Variants in F13A1 observed in about 807,000 individuals in gnomAD.
The protein encoded by F13A1 is FSF, A subunit.
In F13A1, 47 loss-of-function variants were observed where a neutral mutation model predicts 80.1. That is an observed-to-expected ratio of 0.59 (90% confidence interval 0.46 to 0.75). The LOEUF (loss-of-function observed/expected upper bound fraction) is 0.75, where lower values mean the gene tolerates loss of function less well. Ranked by LOEUF, F13A1 falls within the 30% of genes least tolerant of loss-of-function variation. F13A1 has a pLI of 0.00. For missense variants in F13A1, 817 were observed against 930.4 expected (o/e 0.88, Z 1.59); for synonymous variants, 349 against 344.9 (o/e 1.01, Z -0.13).
intron 11 of F13A1, among the ~76,000 whole-genome samples, chr6:6,176,811 G>T (rs3778354): frequency 0.49 from 74,861 of 152,054 alleles, 18,620 homozygotes; most frequent in Non-Finnish European, 0.51. Context: ...CGAGCATCAG[G>T]AACACATCAG....
At chr6:6,230,458 A>C (rs1474782979) in intron 6 of F13A1, among the ~76,000 whole-genome samples, 1 of 151,966 alleles carries the variant, frequency 6.6e-6, no homozygotes, top group African/African-American at 2.4e-5. Flanking sequence ...GGAGAGTCTG[A>C]CCTCAGACAC....
chr6:6,240,099 G>A (rs1390978198), intron 6 of F13A1, among the ~76,000 whole-genome samples: 1 of 152,166 alleles, frequency 6.6e-6, no homozygotes, highest in Non-Finnish European at 1.5e-5. Context: ...GAAATAGCCT[G>A]TGTGATTACA....
At chr6:6,156,883 G>A (rs1187628027) in intron 13 of F13A1, among the ~76,000 whole-genome samples, 2 of 152,176 alleles carry the variant, frequency 1.3e-5, no homozygotes, top group East Asian at 1.9e-4. Context: ...TGCATTGGAT[G>A]GAGCAGATTT....
intron 8 of F13A1, among the ~76,000 whole-genome samples, chr6:6,219,648 C>A (rs754615626): frequency 2.4e-4 from 37 of 152,150 alleles, no homozygotes; most frequent in Non-Finnish European, 4.7e-4. Flanking sequence ...TGGGGACAGC[C>A]CGCACTAACC....
intron 13 of F13A1, among the ~76,000 whole-genome samples, chr6:6,152,861 C>T (rs1760403439): frequency 6.6e-6 from 1 of 152,094 alleles, no homozygotes; most frequent in African/African-American, 2.4e-5. Flanking sequence ...CTATGTATAC[C>T]AAATGAATGG....
intron 12 of F13A1, among the ~76,000 whole-genome samples, chr6:6,174,282 C>T (rs1583055495): frequency 6.6e-6 from 1 of 151,972 alleles, no homozygotes; most frequent in Admixed American, 6.6e-5. Context: ...CCCAGCTACT[C>T]GGGAGGCTGA....
chr6:6,145,906 T>C (rs373678808), intron 14 of F13A1, 134 bp from the exon 15 acceptor site: 3 of 1,187,014 alleles, frequency 2.5e-6, no homozygotes, highest in East Asian at 4.9e-5. Flanking sequence ...AGACTCTCAC[T>C]GGCTGATTCA....
intron 3 of F13A1, among the ~76,000 whole-genome samples, chr6:6,267,036 G>C (rs527618980): frequency 9.9e-4 from 150 of 152,262 alleles, no homozygotes; most frequent in African/African-American, 3.5e-3. Context: ...GCATGTAGAG[G>C]ATTCCACATT....
chr6:6,307,551 G>A (rs728605), intron 2 of F13A1, among the ~76,000 whole-genome samples: 94,307 of 151,348 alleles, frequency 0.62, 30,984 homozygotes, highest in East Asian at 0.89. Context: ...GGGCTTTAAA[G>A]TTTTTTTTTT....
chr6:6,253,142 CAAAAAAAAAAA>C (rs397886568), intron 4 of F13A1, among the ~76,000 whole-genome samples: 1 of 73,946 alleles, frequency 1.4e-5, no homozygotes, highest in Admixed American at 1.9e-4. Context: ...GAATCTGTCC[CAAAAAAAAAAA>C]AAAAAAAAAA....
rs545487335 is a variant in F13A1, at chr6:6,208,870, A to G, written c.1113-11544T>C. Among the ~76,000 whole-genome samples, 27 of 152,332 alleles carry G rather than the reference A, an allele frequency of 1.8e-4. 1 individual carries two copies. In the East Asian group the frequency reaches 3.5e-3, roughly 20 times the overall value. Reference sequence around the variant, plus strand: ...AATCCCAGACCTAGATGTAAGATCTATGATTGTAAAACACTTAGAACAAAA... The same window carrying G: ...AATCCCAGACCTAGATGTAAGATCTGTGATTGTAAAACACTTAGAACAAAA... On this transcript the variant is annotated intron_variant, in intron 8 of 14. Transcript: ENST00000264870.
chr6:6,247,258 A>G (rs890857148), intron 6 of F13A1, among the ~76,000 whole-genome samples: 2 of 152,262 alleles, frequency 1.3e-5, no homozygotes, highest in African/African-American at 2.4e-5. Context: ...TATATTAACA[A>G]TATTGATTTC....
At chr6:6,223,512 G>T (rs1284749852) in intron 7 of F13A1, among the ~76,000 whole-genome samples, 1 of 152,018 alleles carries the variant, frequency 6.6e-6, no homozygotes, top group African/African-American at 2.4e-5. Flanking sequence ...ATGAAGTTCC[G>T]GCTTCTATCT....
At chr6:6,171,517 G>C (rs955772448) in intron 12 of F13A1, among the ~76,000 whole-genome samples, 1 of 152,130 alleles carries the variant, frequency 6.6e-6, no homozygotes, top group Non-Finnish European at 1.5e-5. Flanking sequence ...AGATCGGACT[G>C]GTTCTCGCTG....
At chr6:6,171,547 C>T (rs751239041) in intron 12 of F13A1, among the ~76,000 whole-genome samples, 1 of 151,758 alleles carries the variant, frequency 6.6e-6, no homozygotes, top group Non-Finnish European at 1.5e-5. Flanking sequence ...CTGCTATCAA[C>T]CCCTTTCAGT....
intron 4 of F13A1, among the ~76,000 whole-genome samples, chr6:6,259,604 T>C (rs1306733756): frequency 6.6e-6 from 1 of 152,096 alleles, no homozygotes. Flanking sequence ...ACCAGATATG[T>C]TTTTGACTTT....
intron 6 of F13A1, among the ~76,000 whole-genome samples, chr6:6,231,766 C>CT (rs1172269086): frequency 6.6e-6 from 1 of 152,192 alleles, no homozygotes; most frequent in South Asian, 2.1e-4. Context: ...GATTGGAACC[C>CT]TATCTTCAGC....
At chr6:6,305,197 C>G in intron 3 of F13A1, 154 bp downstream of exon 3, 1 of 855,870 alleles carries the variant, frequency 1.2e-6, no homozygotes, top group Non-Finnish European at 1.9e-6. Context: ...ACAGACCAGT[C>G]TTAGAGCACA....
intron 3 of F13A1, among the ~76,000 whole-genome samples, chr6:6,299,750 G>A (rs1412730849): frequency 5.4e-5 from 8 of 147,258 alleles, no homozygotes; most frequent in African/African-American, 1.3e-4. Flanking sequence ...CTCTCAGCTC[G>A]TCAAAGTCAT....
Sources: allele counts gnomAD v4.1 joint callset (sites outside exome capture counted in the v4.1 genomes callset), GRCh38; gene constraint gnomAD v4.1.1; transcripts MANE v1.5; gene names NCBI Gene and HGNC (gene_info 2026-07-23, HGNC 2026-07-21).